Variants in NFIX observed in about 807,000 individuals in gnomAD.
The protein encoded by NFIX is nuclear factor 1 X-type.
In NFIX, 2 loss-of-function variants were observed where a neutral mutation model predicts 53.3. The observed-to-expected ratio is 0.04, with a 90% CI of 0.02 to 0.12. NFIX has a LOEUF of 0.12. NFIX is among the 10% of genes least tolerant of loss of function. The pLI, the probability that NFIX is intolerant of heterozygous loss-of-function variation, is 1.00. For synonymous variants in NFIX, 244 were observed against 289.0 expected (o/e 0.84, Z 1.58); for missense variants, 310 against 674.5 (o/e 0.46, Z 5.99).
In NFIX at chr19:13,036,480, G is replaced by T. The variant is rs1012300322; in HGVS notation, c.559+10928G>T. Among the ~76,000 whole-genome samples the T allele has an allele frequency of 1.3e-5, 2 of 152,074 alleles. No individual in the cohort carries two copies. Among genetic ancestry groups the T allele is most frequent in the African/African-American group, 4.8e-5 (2 of 41,390 alleles). ...GGTTGAGTCTGCCAGTCTGGAGAAG[G>T]CTGCTCTCCAGACAGCTGAGAGTAG... On this transcript the variant is annotated intron_variant, in intron 2 of 10. Transcript: ENST00000592199. The surrounding 1 kb of genome is among the most constrained non-coding windows in gnomAD (Gnocchi z 4.7).
In NFIX at chr19:13,090,349, C is replaced by A. The variant is rs769677454; in HGVS notation, c.1453C>A (p.Pro485Thr). Residue 485 changes from proline (P) to threonine (T), a missense_variant, in exon 10 of 11, where the codon CCC becomes ACC. This residue lies in a region of NFIX where 44 missense variants were observed against 73.4 expected (regional missense o/e 0.60). Coordinates refer to ENST00000592199, the MANE Select transcript of NFIX (RefSeq NM_001365902.3). This position sits in a 1 kb window ranked among gnomAD's most constrained non-coding sequence, Gnocchi z 6.6. ...TGCCAACCGGTTTGTCAGCATCGGA[C>A]CCCGGGACGGCAACTTTCTGAACAT... Reference protein sequence around the residue: ...SSANRFVSIGPRDGNFLNIPQ... With the variant: ...SSANRFVSIGTRDGNFLNIPQ... 1.2e-6 allele frequency: 2 copies of A among 1,613,962 alleles called. No individual in the cohort carries two copies. Among genetic ancestry groups the A allele is most frequent in the Non-Finnish European group, 1.7e-6 (2 of 1,179,878 alleles).
rs1002264313 is a variant in NFIX at position 13,097,878 on chromosome 19, G to C, written c.*3229G>C. On this transcript the variant is annotated 3_prime_UTR_variant, in exon 11 of 11. Coordinates refer to ENST00000592199, the MANE Select transcript of NFIX (RefSeq NM_001365902.3). ...TCATCCTATCCCCGACCCCCTCCGG[G>C]GAACACCGGGAAGGCTCGACGCTCC... 4 of 152,268 alleles carry C rather than the reference G, an allele frequency of 2.6e-5. No homozygotes were observed. The highest frequency in any genetic ancestry group is 9.7e-5 in the African/African-American group (4 of 41,338). The allele number at this position is 152,268 out of a possible 1,614,324, so 9.4% of individuals were successfully genotyped here.
intron 2 of NFIX, among the ~76,000 whole-genome samples, chr19:13,039,875 A>G (rs2014495491): frequency 6.6e-6 from 1 of 152,180 alleles, no homozygotes; most frequent in Admixed American, 6.5e-5. Flanking sequence ...GAAGCAGCCC[A>G]TGGCCCATCC....
At chr19:13,086,393 GAATT>G (rs2017781751) in intron 8 of NFIX, among the ~76,000 whole-genome samples, 1 of 152,206 alleles carries the variant, frequency 6.6e-6, no homozygotes, top group Non-Finnish European at 1.5e-5. Context: ...ACATGGCTGT[GAATT>G]CCAGGTCTGG....
At chr19:13,059,871 C>T (rs1359537055) in intron 2 of NFIX, among the ~76,000 whole-genome samples, 1 of 143,780 alleles carries the variant, frequency 7.0e-6, no homozygotes, top group Non-Finnish European at 1.5e-5. Flanking sequence ...GCAGCCTTTG[C>T]CTCTGGGGCT....
rs994387371 is a variant in NFIX, at chr19:13,002,295, G to A, written c.27+6431G>A. Among the ~76,000 whole-genome samples the A allele has an allele frequency of 2.6e-5, 4 of 151,030 alleles. No homozygotes were observed. The highest frequency in any genetic ancestry group is 9.8e-5 in the African/African-American group (4 of 40,874). On this transcript the variant is annotated intron_variant, in intron 1 of 10. Coordinates refer to ENST00000592199, the MANE Select transcript of NFIX (RefSeq NM_001365902.3). This position sits in a 1 kb window ranked among gnomAD's most constrained non-coding sequence, Gnocchi z 6.1. ...CTCCTGCCAAACGCGTCTTGGCTCC[G>A]TCTGAATATCTCTCCTCCTCGATTT...
In NFIX at chr19:13,009,016, G is replaced by A. The variant is rs555599516; in HGVS notation, c.27+13152G>A. Among the ~76,000 whole-genome samples, 1 of 152,278 alleles carries A rather than the reference G, an allele frequency of 6.6e-6. No homozygotes were observed. Among genetic ancestry groups the A allele is most frequent in the East Asian group, 1.9e-4 (1 of 5,182 alleles). On this transcript the variant is annotated intron_variant, in intron 1 of 10. Coordinates refer to ENST00000592199, the MANE Select transcript of NFIX (RefSeq NM_001365902.3). This position sits in a 1 kb window ranked among gnomAD's most constrained non-coding sequence, Gnocchi z 4.7. ...GATTTGCGGGGGTCTCCCAGTCCCA[G>A]TCCCACACACTGCCTCATCCCCACT... is the stretch of plus-strand genomic sequence containing the variant.
Position 13,052,744 on chromosome 19 carries a change from C to A in NFIX, c.560-20303C>A, listed in dbSNP as rs754420600. Among the ~76,000 whole-genome samples the A allele has an allele frequency of 8.1e-6, 1 of 123,542 alleles. No individual in the cohort carries two copies. Among genetic ancestry groups the A allele is most frequent in the Admixed American group, 7.4e-5 (1 of 13,466 alleles). The allele number at this position is 123,542 out of a possible 152,430, so 81.0% of individuals were successfully genotyped here. ...GGCTGTGCTTCTGTGCTTCTTGGAA[C>A]GGCTCGGCTCCAGGGCCGTGAGGTT... On this transcript the variant is annotated intron_variant, in intron 2 of 10. Transcript: ENST00000592199. This position sits in a 1 kb window ranked among gnomAD's most constrained non-coding sequence, Gnocchi z 5.2.
intron 1 of NFIX, among the ~76,000 whole-genome samples, chr19:12,999,138 G>T (rs1388887509): frequency 6.6e-6 from 1 of 151,908 alleles, no homozygotes; most frequent in Non-Finnish European, 1.5e-5. Flanking sequence ...AATGCAGTTG[G>T]CTCGCTCAGG....
rs1237669976 is a variant in NFIX, at chr19:13,066,168, C to T, written c.560-6879C>T. 1.3e-5 allele frequency among the ~76,000 whole-genome samples: 2 copies of T among 152,140 alleles called. No individual in the cohort carries two copies. Among genetic ancestry groups the T allele is most frequent in the African/African-American group, 2.4e-5 (1 of 41,426 alleles). ...ATGGACTTGCTTTCTCCTCGCTTCC[C>T]GAAGCCTTACTGCCGAGCTGTGAGT... On this transcript the variant is annotated intron_variant, in intron 2 of 10. Coordinates refer to ENST00000592199, the MANE Select transcript of NFIX (RefSeq NM_001365902.3). The surrounding 1 kb of genome is among the most constrained non-coding windows in gnomAD (Gnocchi z 4.2).
At position 13,067,877 on chromosome 19, in the gene NFIX, G is replaced by C. The variant is rs10417216; in HGVS notation, c.560-5170G>C. Among the ~76,000 whole-genome samples, 1 of 152,042 alleles carries C rather than the reference G, an allele frequency of 6.6e-6. No individual in the cohort carries two copies. Among genetic ancestry groups the C allele is most frequent in the Non-Finnish European group, 1.5e-5 (1 of 68,014 alleles). ...TCCCAGCACTTTGGGAGGCTGAGAC[G>C]GGCGGATCACCAGGTCAGGAGATCG... On this transcript the variant is annotated intron_variant, in intron 2 of 10. Coordinates refer to ENST00000592199, the MANE Select transcript of NFIX (RefSeq NM_001365902.3). This position sits in a 1 kb window ranked among gnomAD's most constrained non-coding sequence, Gnocchi z 4.2.
rs1028272064 is a variant in NFIX, at chr19:13,098,281, C to T, written c.*3632C>T. The T allele has an allele frequency of 2.1e-5, 3 of 145,518 alleles. No homozygotes were observed. The highest frequency in any genetic ancestry group is 3.1e-5 in the Non-Finnish European group (2 of 65,486). The allele number at this position is 145,518 out of a possible 1,614,324, so 9.0% of individuals were successfully genotyped here. A position where few individuals can be genotyped will look rare whatever the true frequency, so the allele number is the denominator to read the frequency against. On this transcript the variant is annotated 3_prime_UTR_variant, in exon 11 of 11. Transcript: ENST00000592199. ...CCTCTGCTCCCCCCCACCCCACCCA[C>T]CCTCGGGGCGCCCCCCTCCCCCCGC...
rs2145550173 is a variant in NFIX, at chr19:13,096,718, CGTGCCCTTTCCCTCGACGACAGTCGA to C, written c.*2071_*2096del. On this transcript the variant is annotated 3_prime_UTR_variant, in exon 11 of 11. Transcript: ENST00000592199. Reference sequence around the variant, plus strand: ...CAGAAGGGGCTCCCTGTCCGGCCCACGTGCCCTTTCCCTCGACGACAGTCGAGGGCTCGGGCTCTGTGGGACTGTGG... The same window carrying C: ...CAGAAGGGGCTCCCTGTCCGGCCCACGGGCTCGGGCTCTGTGGGACTGTGG... 1 of 152,482 alleles carries C rather than the reference CGTGCCCTTTCCCTCGACGACAGTCGA, an allele frequency of 6.6e-6. No individual in the cohort carries two copies. The allele number at this position is 152,482 out of a possible 1,614,324, so 9.4% of individuals were successfully genotyped here. A position where few individuals can be genotyped will look rare whatever the true frequency, so the allele number is the denominator to read the frequency against.
chr19:12,995,777 CCG>C lies in NFIX; in HGVS notation c.-59_-58del. 1.2e-6 allele frequency: 1 copy of C among 826,914 alleles called. No homozygotes were observed. The highest frequency in any genetic ancestry group is 1.5e-6 in the Non-Finnish European group (1 of 688,378). The allele number at this position is 826,914 out of a possible 1,614,324, so 51.2% of individuals were successfully genotyped here. A position where few individuals can be genotyped will look rare whatever the true frequency, so the allele number is the denominator to read the frequency against. The stretch of plus-strand genomic sequence containing the variant: ...CGGAGCCCGAGCCCGAGCGCGGCCG[CCG>C]CCTGCCGGGCCTCCCCTCGCCGCGG... On this transcript the variant is annotated 5_prime_UTR_variant, in exon 1 of 11. Coordinates refer to ENST00000592199, the MANE Select transcript of NFIX (RefSeq NM_001365902.3).
At chr19:13,016,390 G>A (rs1464055314) in intron 1 of NFIX, among the ~76,000 whole-genome samples, 3 of 151,990 alleles carry the variant, frequency 2.0e-5, no homozygotes, top group East Asian at 3.9e-4. Flanking sequence ...CTACAGACAG[G>A]TATAGAGGTA....
rs1369821295 is a variant in NFIX, at chr19:13,090,548, T to C, written c.1494+158T>C. Among the ~76,000 whole-genome samples, 1 of 152,182 alleles carries C rather than the reference T, an allele frequency of 6.6e-6. No individual in the cohort carries two copies. The highest frequency in any genetic ancestry group is 1.5e-5 in the Non-Finnish European group (1 of 68,026). On this transcript the variant is annotated intron_variant, in intron 10 of 10. Coordinates refer to ENST00000592199, the MANE Select transcript of NFIX (RefSeq NM_001365902.3). The surrounding 1 kb of genome is among the most constrained non-coding windows in gnomAD (Gnocchi z 6.6). ...GGGCCCAGGCTTTTGCACGCCCAGC[T>C]GAGCCTGTCTCCCCAGGCAGCCCCC... is the stretch of plus-strand genomic sequence containing the variant.
rs1390942093 is a variant in NFIX at position 13,045,708 on chromosome 19, CAG to C, written c.559+20157_559+20158del. On this transcript the variant is annotated intron_variant, in intron 2 of 10. Coordinates refer to ENST00000592199, the MANE Select transcript of NFIX (RefSeq NM_001365902.3). This position sits in a 1 kb window ranked among gnomAD's most constrained non-coding sequence, Gnocchi z 4.4. ...ACTGTGTTGACCCCATGGCGGGCATCAGGGGACCACAGGCTGTGGTTGCGCCT... is the reference window on the plus strand; with the variant it reads ...ACTGTGTTGACCCCATGGCGGGCATCGGGACCACAGGCTGTGGTTGCGCCT... 5.3e-5 allele frequency among the ~76,000 whole-genome samples: 8 copies of C among 152,296 alleles called. 1 individual carries two copies. In the South Asian group the frequency reaches 6.2e-4, roughly 12 times the overall value.
chr19:13,021,960 C>G lies in NFIX; in HGVS notation c.28-3061C>G, dbSNP rs941122428. 1.1e-4 allele frequency among the ~76,000 whole-genome samples: 17 copies of G among 152,076 alleles called. No homozygotes were observed. The highest frequency in any genetic ancestry group is 3.6e-4 in the African/African-American group (15 of 41,398). On this transcript the variant is annotated intron_variant, in intron 1 of 10. Coordinates refer to ENST00000592199, the MANE Select transcript of NFIX (RefSeq NM_001365902.3). The surrounding 1 kb of genome is among the most constrained non-coding windows in gnomAD (Gnocchi z 4.2). ...TTTCATTTGGGTTTCTCATTTTATA[C>G]TTTTGCACTTTGCACTGCTAGGGTT... is the stretch of plus-strand genomic sequence containing the variant.
chr19:13,052,446 T>C lies in NFIX; in HGVS notation c.560-20601T>C, dbSNP rs1188957536. On this transcript the variant is annotated intron_variant, in intron 2 of 10. Transcript: ENST00000592199. This position sits in a 1 kb window ranked among gnomAD's most constrained non-coding sequence, Gnocchi z 5.2. ...AACACAGGTGGGTCACCTGAGGATGTCCTGGTGACGATGCAGGAGCTGCCA... is the reference window on the plus strand; with the variant it reads ...AACACAGGTGGGTCACCTGAGGATGCCCTGGTGACGATGCAGGAGCTGCCA... 6.6e-6 allele frequency among the ~76,000 whole-genome samples: 1 copy of C among 152,176 alleles called. No individual in the cohort carries two copies. The highest frequency in any genetic ancestry group is 1.5e-5 in the Non-Finnish European group (1 of 68,008).
Sources: gnomAD v4.1 joint callset for allele counts (sites outside exome capture counted in the v4.1 genomes callset) on GRCh38, gnomAD v4.1.1 for gene constraint, gnomAD v4.1.1 regional missense constraint, Gnocchi (gnomAD v3.1) non-coding constraint, MANE v1.5 for transcripts, NCBI Gene and HGNC (gene_info 2026-07-23, HGNC 2026-07-21) for gene names.